Variants in GSTO2 observed in about 807,000 individuals in gnomAD.
The protein encoded by GSTO2 is glutathione S-transferase omega 2.
A neutral mutation model predicts 28.4 loss-of-function variants in GSTO2; 23 were observed. The observed-to-expected ratio is 0.81, with a 90% CI of 0.58 to 1.15. GSTO2 has a LOEUF of 1.15. Among genes scored for constraint, GSTO2 ranks in the 50% most tolerant of loss-of-function variants. GSTO2 has a pLI of 0.00. For missense variants in GSTO2, 298 were observed against 297.8 expected, an observed-to-expected ratio of 1.00 and a Z score of 0.00; for synonymous variants, 109 against 111.0, an observed-to-expected ratio of 0.98 and a Z score of 0.11.
At chr10:104,290,504 C>CA (rs111825863) in intron 5 of GSTO2, among the ~76,000 whole-genome samples, 2,682 of 111,600 alleles carry the variant, frequency 0.024, 66 homozygotes, top group African/African-American at 0.069. Context: ...CACTCTGTCT[C>CA]AAAAAAAAAA....
chr10:104,279,902 C>G (rs2011916944), intron 5 of GSTO2, among the ~76,000 whole-genome samples: 3 of 152,102 alleles, frequency 2.0e-5, no homozygotes, highest in Admixed American at 6.5e-5. Context: ...GTGGCTCACA[C>G]CTGTGATCCC....
intron 4 of GSTO2, 105 bp from the exon 5 acceptor site, chr10:104,279,265 T>G: frequency 1.2e-6 from 1 of 868,940 alleles, no homozygotes; most frequent in Non-Finnish European, 1.9e-6. Flanking sequence ...ATGTGGGTGT[T>G]GCCCTGTTAG....
intron 2 of GSTO2, 76 bp downstream of exon 2, chr10:104,275,025 G>C (rs2011560044): frequency 1.3e-6 from 2 of 1,538,006 alleles, no homozygotes. Flanking sequence ...GAGCTGCCTG[G>C]CCTTGGCCTG....
intron 5 of GSTO2, among the ~76,000 whole-genome samples, chr10:104,287,209 T>A (rs1332569902): frequency 1.3e-5 from 2 of 152,114 alleles, no homozygotes; most frequent in Non-Finnish European, 2.9e-5. Flanking sequence ...TGTGCCACCA[T>A]GCCTAGCTAG....
chr10:104,275,081 A>C (rs956054001), intron 2 of GSTO2, 132 bp downstream of exon 2: 2 of 1,505,462 alleles, frequency 1.3e-6, no homozygotes, highest in African/African-American at 1.4e-5. Flanking sequence ...TCCTGAAGAA[A>C]AGCCACATGC....
At chr10:104,298,389 C>T (rs1391259346) in intron 6 of GSTO2, among the ~76,000 whole-genome samples, 1 of 152,222 alleles carries the variant, frequency 6.6e-6, no homozygotes. Context: ...ACCTTCATAA[C>T]CCGTGGGCTG....
intron 5 of GSTO2, among the ~76,000 whole-genome samples, chr10:104,293,943 C>T (rs956930296): frequency 6.6e-6 from 1 of 152,160 alleles, no homozygotes; most frequent in Non-Finnish European, 1.5e-5. Context: ...AGCCCGTTAA[C>T]CTCCCTGGGA....
At chr10:104,275,159 C>A in intron 2 of GSTO2, 67 bp from the exon 3 acceptor site, 1 of 1,543,346 alleles carries the variant, frequency 6.5e-7, no homozygotes, top group Non-Finnish European at 8.7e-7. Context: ...GGCAAGTGAG[C>A]GAGCTCCTTC....
intron 5 of GSTO2, among the ~76,000 whole-genome samples, chr10:104,292,815 G>T (rs2012840123): frequency 6.6e-6 from 1 of 152,184 alleles, no homozygotes; most frequent in African/African-American, 2.4e-5. Flanking sequence ...TCTTTAAAAG[G>T]ATGGATTGGA....
At chr10:104,279,312 A>T in intron 4 of GSTO2, 58 bp from the exon 5 acceptor site, 1 of 1,433,380 alleles carries the variant, frequency 7.0e-7, no homozygotes, top group Non-Finnish European at 9.8e-7. Context: ...TTTCAGGCAG[A>T]ACAGGAACTG....
At position 104,278,782 on chromosome 10, in the gene GSTO2, G is replaced by T. The variant is rs184327031; in HGVS notation, c.367-588G>T. On this transcript the variant is annotated intron_variant, in intron 4 of 6. Transcript: ENST00000338595. Reference sequence around the variant, plus strand: ...AGACGTGAGCCACTGTGCCTGGCCAGTGATGCTCTTTAGAAGCATAAGAGT... The same window carrying T: ...AGACGTGAGCCACTGTGCCTGGCCATTGATGCTCTTTAGAAGCATAAGAGT... Among the ~76,000 whole-genome samples the T allele has an allele frequency of 9.3e-4, 142 of 152,310 alleles. 1 individual carries two copies. The highest frequency in any genetic ancestry group is 1.7e-3 in the Non-Finnish European group (119 of 68,030).
chr10:104,278,492 T>C (rs12253098), intron 4 of GSTO2, among the ~76,000 whole-genome samples: 4,557 of 152,330 alleles, frequency 0.03, 256 homozygotes, highest in African/African-American at 0.11. Flanking sequence ...TTTTATTATT[T>C]TTTTTTTGAG....
chr10:104,289,542 A>G (rs2012655992), intron 5 of GSTO2, among the ~76,000 whole-genome samples: 1 of 152,146 alleles, frequency 6.6e-6, no homozygotes, highest in Admixed American at 6.5e-5. Context: ...GGGCAGCAGG[A>G]GGGGCATGTT....
intron 5 of GSTO2, among the ~76,000 whole-genome samples, chr10:104,284,564 C>T (rs2135117481): frequency 6.6e-6 from 1 of 152,304 alleles, no homozygotes; most frequent in Admixed American, 6.5e-5. Context: ...TCTTGCTGCA[C>T]TTTATGTCTT....
At chr10:104,285,135 T>C (rs575506123) in intron 5 of GSTO2, among the ~76,000 whole-genome samples, 13 of 152,362 alleles carry the variant, frequency 8.5e-5, no homozygotes, top group African/African-American at 2.9e-4. Context: ...AACTTGATCA[T>C]GTGCCTTATG....
Position 104,299,318 on chromosome 10 carries a change from C to T in GSTO2, c.*34C>T. 6.2e-7 allele frequency: 1 copy of T among 1,612,134 alleles called. No individual in the cohort carries two copies. The highest frequency in any genetic ancestry group is 8.5e-7 in the Non-Finnish European group (1 of 1,179,058). On this transcript the variant is annotated 3_prime_UTR_variant, in exon 7 of 7. Coordinates refer to ENST00000338595, the MANE Select transcript of GSTO2 (RefSeq NM_183239.2). ...GTCCACCCCTTCGCTGTCCAGAATT[C>T]CCCAGCTTGTTGGGAGTCTACGTCA...
chr10:104,300,451 T>TA lies in GSTO2; in HGVS notation c.*1168dup, dbSNP rs1421144710. On this transcript the variant is annotated 3_prime_UTR_variant, in exon 7 of 7. Transcript: ENST00000338595. The stretch of plus-strand genomic sequence containing the variant: ...CCCTGGGAGCCCCCATCTCTCCACT[T>TA]ATCTTGGTTGAGGTTTTAAACCTAG... 6.6e-6 allele frequency: 1 copy of TA among 152,188 alleles called. No homozygotes were observed. The highest frequency in any genetic ancestry group is 1.5e-5 in the Non-Finnish European group (1 of 68,074). 9.4% of individuals were successfully genotyped at this position (152,188 alleles called of 1,614,324 possible).
rs749092243 is a variant in GSTO2 at position 104,278,112 on chromosome 10, G to C, written c.362G>C (p.Cys121Ser). Reference sequence around the variant, plus strand: ...CAAAAGATGTTATTGGAGCTATTTTGTAAGGTATATTCAATTTAAAAAGTC... The same window carrying C: ...CAAAAGATGTTATTGGAGCTATTTTCTAAGGTATATTCAATTTAAAAAGTC... ...ARQKMLLELF[C>S]KVPHLTKECL... The change falls in exon 4 of 7, where the codon TGT (cysteine) becomes TCT (serine). Residue 121 changes from cysteine (C) to serine (S), a missense_variant. Physicochemically the swap from Cys to Ser is moderately radical, Grantham distance 112 (BLOSUM62 -1). Coordinates refer to ENST00000338595, the MANE Select transcript of GSTO2 (RefSeq NM_183239.2). 2 of 1,612,022 alleles carry C rather than the reference G, an allele frequency of 1.2e-6. No homozygotes were observed. Among genetic ancestry groups the C allele is most frequent in the Non-Finnish European group, 1.7e-6 (2 of 1,178,402 alleles).
intron 5 of GSTO2, 132 bp downstream of exon 5, chr10:104,279,603 CTGAT>C: frequency 3.2e-6 from 2 of 629,606 alleles, no homozygotes. Context: ...TTCTGATCAT[CTGAT>C]TGCATGTTTG....
Sources: allele counts gnomAD v4.1 joint callset (sites outside exome capture counted in the v4.1 genomes callset), GRCh38; gene constraint gnomAD v4.1.1; transcripts MANE v1.5; gene names NCBI Gene and HGNC (gene_info 2026-07-23, HGNC 2026-07-21).